BMAL2: variants seen among roughly 807,000 people sequenced by gnomAD.
BMAL2 encodes the protein basic helix-loop-helix ARNT-like protein 2.
At chr12:27,387,085 A>C in the BMAL2 span, 2 of 610,114 alleles carry the variant, frequency 3.3e-6, no homozygotes, top group Non-Finnish European at 5.7e-6. Context: ...ACATTTCTTA[A>C]AATTAATTTT....
the BMAL2 span, among the ~76,000 whole-genome samples, chr12:27,397,884 C>T: frequency 3.9e-5 from 6 of 152,328 alleles, no homozygotes; most frequent in African/African-American, 1.4e-4. Flanking sequence ...GTTTCTTGTG[C>T]ATGTGTGGCA....
chr12:27,390,995 T>G, the BMAL2 span, among the ~76,000 whole-genome samples: 2 of 152,234 alleles, frequency 1.3e-5, no homozygotes, highest in Non-Finnish European at 2.9e-5. Flanking sequence ...CTAATACTCA[T>G]TTATTTAACG....
chr12:27,402,663 C>T, the BMAL2 span: 29 of 1,611,904 alleles, frequency 1.8e-5, no homozygotes, highest in Non-Finnish European at 2.3e-5. Flanking sequence ...CCTTGTAGCT[C>T]TCAATCATCA....
the BMAL2 span, among the ~76,000 whole-genome samples, chr12:27,383,197 T>C: frequency 6.6e-6 from 1 of 152,218 alleles, no homozygotes; most frequent in Non-Finnish European, 1.5e-5. Context: ...TTTGACATTC[T>C]AATCCTCAGT....
At chr12:27,334,296 A>C in the BMAL2 span, among the ~76,000 whole-genome samples, 2 of 152,110 alleles carry the variant, frequency 1.3e-5, no homozygotes, top group African/African-American at 4.8e-5. Flanking sequence ...GGTTATTTGA[A>C]ATCTCTTAGT....
the BMAL2 span, among the ~76,000 whole-genome samples, chr12:27,365,682 A>G: frequency 4.9e-4 from 75 of 151,606 alleles, no homozygotes; most frequent in African/African-American, 1.7e-3. Flanking sequence ...GTATTTTATT[A>G]TCTTTTAAAT....
the BMAL2 span, among the ~76,000 whole-genome samples, chr12:27,382,259 A>G: frequency 1.3e-5 from 2 of 152,186 alleles, no homozygotes; most frequent in Non-Finnish European, 2.9e-5. Context: ...GTCCTAAGGG[A>G]GGAAGACCTA....
the BMAL2 span, chr12:27,389,973 A>G: frequency 3.4e-5 from 40 of 1,193,070 alleles, no homozygotes; most frequent in Middle Eastern, 5.9e-4. Flanking sequence ...CAATCATGCC[A>G]TTGCTTTAAA....
At chr12:27,358,989 G>C in the BMAL2 span, among the ~76,000 whole-genome samples, 1 of 141,590 alleles carries the variant, frequency 7.1e-6, no homozygotes, top group Non-Finnish European at 1.5e-5. Context: ...GGATCTTAAA[G>C]TAATGTGTCA....
chr12:27,366,959 G>A, the BMAL2 span, among the ~76,000 whole-genome samples: 3 of 152,080 alleles, frequency 2.0e-5, no homozygotes, highest in Non-Finnish European at 2.9e-5. Flanking sequence ...TACCCATGGC[G>A]GATACATTCT....
At chr12:27,373,828 A>G in the BMAL2 span, among the ~76,000 whole-genome samples, 21 of 152,234 alleles carry the variant, frequency 1.4e-4, no homozygotes, top group Non-Finnish European at 2.4e-4. Context: ...TTGAAATTCT[A>G]TTACTGTAAT....
At chr12:27,379,607 G>A in the BMAL2 span, among the ~76,000 whole-genome samples, 1 of 152,088 alleles carries the variant, frequency 6.6e-6, no homozygotes, top group Non-Finnish European at 1.5e-5. Flanking sequence ...TTCAAGGCAG[G>A]GATCAGCAAG....
chr12:27,336,004 A>G, the BMAL2 span, among the ~76,000 whole-genome samples: 68 of 152,346 alleles, frequency 4.5e-4, no homozygotes, highest in African/African-American at 1.5e-3. Flanking sequence ...ACATTGAGGT[A>G]GCATCCTTTT....
the BMAL2 span, among the ~76,000 whole-genome samples, chr12:27,415,714 C>T: frequency 6.6e-6 from 1 of 152,094 alleles, no homozygotes; most frequent in Non-Finnish European, 1.5e-5. Flanking sequence ...ATAAGCCTGG[C>T]ACCTAGTAAG....
the BMAL2 span, among the ~76,000 whole-genome samples, chr12:27,337,045 T>TA: frequency 6.6e-6 from 1 of 152,122 alleles, no homozygotes. Flanking sequence ...TGAAAATACT[T>TA]AAATGGTTGG....
the BMAL2 span, chr12:27,420,753 T>C: frequency 2.4e-6 from 1 of 413,690 alleles, no homozygotes; most frequent in African/African-American, 2.1e-5. Context: ...TTCAGTGAAA[T>C]GGCTTATAAT....
chr12:27,354,879 C>A, the BMAL2 span, among the ~76,000 whole-genome samples: 1 of 152,174 alleles, frequency 6.6e-6, no homozygotes, highest in Non-Finnish European at 1.5e-5. Flanking sequence ...TTCTGTAAGG[C>A]ACCTTTGCCA....
the BMAL2 span, among the ~76,000 whole-genome samples, chr12:27,335,134 G>A: frequency 6.6e-6 from 1 of 152,136 alleles, no homozygotes; most frequent in Non-Finnish European, 1.5e-5. Flanking sequence ...TTCCCAGAGG[G>A]AAAACAAAAA....
chr12:27,402,664 T>C, the BMAL2 span: 1 of 1,611,918 alleles, frequency 6.2e-7, no homozygotes, highest in Admixed American at 1.7e-5. Context: ...CTTGTAGCTC[T>C]CAATCATCAG....
Sources: allele counts gnomAD v4.1 joint callset (sites outside exome capture counted in the v4.1 genomes callset), GRCh38; gene constraint gnomAD v4.1.1; transcripts MANE v1.5; gene names NCBI Gene and HGNC (gene_info 2026-07-23, HGNC 2026-07-21).